CD200: variants seen among roughly 807,000 people sequenced by gnomAD.
The protein encoded by CD200 is CD200 molecule.
In CD200, 15 loss-of-function variants were observed where a neutral mutation model predicts 30.9. The ratio of observed to expected loss-of-function variants is 0.49; its 90% CI spans 0.32 to 0.75. CD200 has a LOEUF of 0.75. Ranked by LOEUF, CD200 falls within the 30% of genes least tolerant of loss-of-function variation. The pLI is 0.03. For missense variants in CD200, 262 were observed against 324.2 expected, an observed-to-expected ratio of 0.81 and a Z score of 1.47; for synonymous variants, 134 against 126.2, an observed-to-expected ratio of 1.06 and a Z score of -0.41.
intron 2 of CD200, among the ~76,000 whole-genome samples, 196 bp from the exon 3 acceptor site, chr3:112,344,766 C>G (rs1031047576): frequency 6.6e-6 from 1 of 152,178 alleles, no homozygotes; most frequent in Non-Finnish European, 1.5e-5. Context: ...TGCTACTATT[C>G]TTTAAAGATT....
chr3:112,341,165 T>C (rs1163622653), intron 2 of CD200, among the ~76,000 whole-genome samples, 182 bp downstream of exon 2: 3 of 152,252 alleles, frequency 2.0e-5, no homozygotes, highest in Non-Finnish European at 4.4e-5. Flanking sequence ...GTTTTCGATG[T>C]AGAAGCACAC....
chr3:112,354,683 G>A (rs912047762), intron 5 of CD200, among the ~76,000 whole-genome samples: 5 of 152,142 alleles, frequency 3.3e-5, no homozygotes, highest in African/African-American at 7.2e-5. Context: ...AAATTATCAC[G>A]CACTTAGCGG....
At chr3:112,348,561 G>T (rs1442900501) in intron 4 of CD200, among the ~76,000 whole-genome samples, 1 of 152,154 alleles carries the variant, frequency 6.6e-6, no homozygotes. Context: ...AGCAATAATA[G>T]CCACGTCTTT....
At chr3:112,344,592 T>G (rs2081340275) in intron 2 of CD200, among the ~76,000 whole-genome samples, 1 of 152,200 alleles carries the variant, frequency 6.6e-6, no homozygotes, top group South Asian at 2.1e-4. Context: ...TCCTTTGGCC[T>G]TTTCCTGCTC....
intron 5 of CD200, among the ~76,000 whole-genome samples, chr3:112,361,229 A>G (rs570734102): frequency 2.0e-5 from 3 of 151,514 alleles, no homozygotes; most frequent in African/African-American, 4.8e-5. Flanking sequence ...TATTTTTTGT[A>G]GAGACAAGGT....
chr3:112,358,931 G>GAGAA (rs76696866), intron 5 of CD200, among the ~76,000 whole-genome samples: 44 of 139,784 alleles, frequency 3.1e-4, no homozygotes, highest in Middle Eastern at 7.0e-3. Flanking sequence ...AAGAAAGAGA[G>GAGAA]AGAAAGAAAG....
intron 1 of CD200, 133 bp downstream of exon 1, chr3:112,333,357 G>T: frequency 7.0e-7 from 1 of 1,424,988 alleles, no homozygotes; most frequent in Non-Finnish European, 9.2e-7. Flanking sequence ...CTAGATCAGC[G>T]GTGTTGATGG....
At chr3:112,347,864 G>T in intron 4 of CD200, 34 bp downstream of exon 4, 1 of 1,595,540 alleles carries the variant, frequency 6.3e-7, no homozygotes, top group Non-Finnish European at 8.5e-7. Flanking sequence ...CTGTGGTTGT[G>T]TCTGTGTGCA....
chr3:112,337,867 G>T (rs548848716), intron 1 of CD200, among the ~76,000 whole-genome samples: 33 of 152,148 alleles, frequency 2.2e-4, no homozygotes, highest in African/African-American at 8.0e-4. Flanking sequence ...TGTAATATTT[G>T]CATATAACCT....
Position 112,361,566 on chromosome 3 carries a change from C to A in CD200, c.*16C>A. 6.2e-7 allele frequency: 1 copy of A among 1,607,196 alleles called. No individual in the cohort carries two copies. The highest frequency in any genetic ancestry group is 8.5e-7 in the Non-Finnish European group (1 of 1,173,666). On this transcript the variant is annotated 3_prime_UTR_variant, in exon 6 of 6. Coordinates refer to ENST00000315711, the MANE Select transcript of CD200 (RefSeq NM_005944.7). ...AGAGCCCTAAATAAGTCACACAGCACCCTGAAAGTGATTCCCTGGTCTACT... is the reference window on the plus strand; with the variant it reads ...AGAGCCCTAAATAAGTCACACAGCAACCTGAAAGTGATTCCCTGGTCTACT...
intron 2 of CD200, among the ~76,000 whole-genome samples, chr3:112,342,389 CTTTCTTTCTTTCT>C: frequency 6.4e-5 from 3 of 47,200 alleles, no homozygotes; most frequent in African/African-American, 1.5e-4. Flanking sequence ...TTCTTTCTTT[CTTTCTTTCTTTCT>C]TTCTTTCTTT....
chr3:112,340,360 G>A (rs2081210928), intron 1 of CD200, among the ~76,000 whole-genome samples: 1 of 152,128 alleles, frequency 6.6e-6, no homozygotes, highest in Admixed American at 6.5e-5. Context: ...ATGAAAATAA[G>A]GCAGCGAAGG....
At chr3:112,347,899 C>A in intron 4 of CD200, 69 bp downstream of exon 4, 2 of 1,398,434 alleles carry the variant, frequency 1.4e-6, no homozygotes, top group Non-Finnish European at 2.0e-6. Context: ...AGTGAATGTC[C>A]TGCAGAGGTT....
intron 1 of CD200, among the ~76,000 whole-genome samples, chr3:112,336,185 T>C (rs2081111328): frequency 6.6e-6 from 1 of 152,138 alleles, no homozygotes; most frequent in South Asian, 2.1e-4. Context: ...CGTGGCTGTT[T>C]CATAAGGAAA....
chr3:112,336,004 T>C (rs759547610), intron 1 of CD200: 2 of 1,609,380 alleles, frequency 1.2e-6, no homozygotes, highest in East Asian at 4.5e-5. Flanking sequence ...AAGACCACCA[T>C]CAATGATTAC....
At chr3:112,357,560 T>C (rs1398400579) in intron 5 of CD200, among the ~76,000 whole-genome samples, 2 of 152,176 alleles carry the variant, frequency 1.3e-5, no homozygotes, top group African/African-American at 4.8e-5. Context: ...TTTTCATGAA[T>C]TGTACAAATG....
At chr3:112,353,926 G>A (rs1032545371) in intron 5 of CD200, among the ~76,000 whole-genome samples, 13 of 152,156 alleles carry the variant, frequency 8.5e-5, no homozygotes, top group Admixed American at 4.6e-4. Flanking sequence ...TGAGAAAAGC[G>A]ATAAAGAATC....
At chr3:112,349,197 C>T (rs2081479543) in intron 4 of CD200, among the ~76,000 whole-genome samples, 1 of 152,168 alleles carries the variant, frequency 6.6e-6, no homozygotes, top group Admixed American at 6.5e-5. Flanking sequence ...GCATTAAAGA[C>T]ATAGATAAGA....
chr3:112,348,095 T>G (rs1396579486), intron 4 of CD200, among the ~76,000 whole-genome samples: 2 of 152,186 alleles, frequency 1.3e-5, no homozygotes, highest in Non-Finnish European at 2.9e-5. Flanking sequence ...TCTACTAACA[T>G]GTAATTAGGT....
Sources: allele counts gnomAD v4.1 joint callset (sites outside exome capture counted in the v4.1 genomes callset), GRCh38; gene constraint gnomAD v4.1.1; transcripts MANE v1.5; gene names NCBI Gene and HGNC (gene_info 2026-07-23, HGNC 2026-07-21).